The following PCDH15 variants were observed in gnomAD, a reference collection of about 807,000 sequenced individuals.
The protein encoded by PCDH15 is protocadherin-15.
A neutral mutation model predicts 178.5 loss-of-function variants in PCDH15; 129 were observed. The ratio of observed to expected loss-of-function variants is 0.72; its 90% CI spans 0.63 to 0.84. The LOEUF is 0.84. Ranked by LOEUF, PCDH15 falls within the 40% of genes least tolerant of loss-of-function variation. The probability of loss-of-function intolerance (pLI) is 0.00; values close to 1 mark genes in which losing one functional copy is unlikely to be tolerated. For synonymous variants in PCDH15, 800 were observed against 732.0 expected, an observed-to-expected ratio of 1.09 and a Z score of -1.50; for missense variants, 2,230 against 2,099.9, an observed-to-expected ratio of 1.06 and a Z score of -1.21.
rs534365353 is a variant in PCDH15 at position 54,130,530 on chromosome 10, C to G, written c.1917+2345G>C. Among the ~76,000 whole-genome samples, 8 of 152,282 alleles carry G rather than the reference C, an allele frequency of 5.3e-5. No individual in the cohort carries two copies. The East Asian group carries it at 1.5e-3, about 29-fold the overall frequency. Reference sequence around the variant, plus strand: ...CCTCAAGTGAATGCCATCAATACAGCCGTCAGGCAAAACTGCATTCATGCA... The same window carrying G: ...CCTCAAGTGAATGCCATCAATACAGGCGTCAGGCAAAACTGCATTCATGCA... On this transcript the variant is annotated intron_variant, in intron 15 of 37. Coordinates refer to ENST00000644397, the MANE Select transcript of PCDH15 (RefSeq NM_001384140.1).
chr10:55,066,506 G>T (rs1023100228), intron 2 of PCDH15, among the ~76,000 whole-genome samples: 7 of 148,248 alleles, frequency 4.7e-5, no homozygotes, highest in Admixed American at 1.3e-4. Context: ...ATTTTTTTAA[G>T]TTTTCACAAA....
intron 9 of PCDH15, among the ~76,000 whole-genome samples, chr10:54,221,581 C>T (rs947288396): frequency 1.3e-5 from 2 of 151,488 alleles, no homozygotes; most frequent in Non-Finnish European, 2.9e-5. Context: ...GGAATGGGAT[C>T]ATTTATATAG....
At chr10:54,781,764 A>G (rs1950385319) in intron 1 of PCDH15, among the ~76,000 whole-genome samples, 1 of 152,136 alleles carries the variant, frequency 6.6e-6, no homozygotes, top group African/African-American at 2.4e-5. Context: ...CATCTTTACA[A>G]TTTGCTTCCT....
intron 3 of PCDH15, among the ~76,000 whole-genome samples, chr10:54,499,912 A>G (rs2080497999): frequency 6.6e-6 from 1 of 152,146 alleles, no homozygotes; most frequent in African/African-American, 2.4e-5. Context: ...AGAACTTAGA[A>G]CTAACATTTG....
At chr10:55,467,722 T>C (rs113739906) in intron 2 of PCDH15, among the ~76,000 whole-genome samples, 8 of 151,408 alleles carry the variant, frequency 5.3e-5, no homozygotes, top group African/African-American at 1.9e-4. Flanking sequence ...TCCCAGCACA[T>C]TGGGAGGTCA....
At chr10:55,243,714 A>G (rs865780231) in intron 1 of PCDH15, among the ~76,000 whole-genome samples, 1 of 152,208 alleles carries the variant, frequency 6.6e-6, no homozygotes, top group African/African-American at 2.4e-5. Context: ...TGGCTTTAAA[A>G]GGCTCCCAGA....
intron 2 of PCDH15, chr10:54,528,408 G>T: frequency 1.3e-6 from 2 of 1,573,972 alleles, no homozygotes; most frequent in South Asian, 1.2e-5. Context: ...CCAGTCTGGA[G>T]TCAAAAGTAT....
chr10:54,509,017 G>A (rs2081407518), intron 3 of PCDH15, among the ~76,000 whole-genome samples: 1 of 152,010 alleles, frequency 6.6e-6, no homozygotes, highest in South Asian at 2.1e-4. Flanking sequence ...TTTTACATGA[G>A]GTCGTATGTT....
rs899843492 is a variant in PCDH15, at chr10:54,046,021, G to A, written c.2220+20736C>T. Among the ~76,000 whole-genome samples, 4 of 152,032 alleles carry A rather than the reference G, an allele frequency of 2.6e-5. 1 individual carries two copies. Among genetic ancestry groups the A allele is most frequent in the East Asian group, 3.9e-4 (2 of 5,178 alleles). On this transcript the variant is annotated intron_variant, in intron 18 of 37. Coordinates refer to ENST00000644397, the MANE Select transcript of PCDH15 (RefSeq NM_001384140.1). Reference sequence around the variant, plus strand: ...AGAAGAAAACACATTTACTCCAACAGATAAATAAGAAACTCAAATAGGCAT... The same window carrying A: ...AGAAGAAAACACATTTACTCCAACAAATAAATAAGAAACTCAAATAGGCAT...
At chr10:54,896,767 T>G (rs187350834) in intron 3 of PCDH15, among the ~76,000 whole-genome samples, 9 of 152,252 alleles carry the variant, frequency 5.9e-5, no homozygotes, top group Admixed American at 5.2e-4. Context: ...CACAAATAAG[T>G]GAATTGGCAT....
intron 2 of PCDH15, among the ~76,000 whole-genome samples, chr10:55,054,312 ATAATGGCTTTCAGCT>A (rs1368637446): frequency 1.3e-5 from 2 of 152,132 alleles, no homozygotes; most frequent in Non-Finnish European, 1.5e-5. Context: ...TTTGCTAAAG[ATAATGGCTTTCAGCT>A]CCATCCATGT....
At chr10:54,143,831 C>T (rs2043630616) in intron 14 of PCDH15, among the ~76,000 whole-genome samples, 1 of 152,002 alleles carries the variant, frequency 6.6e-6, no homozygotes, top group Non-Finnish European at 1.5e-5. Context: ...ATTCTTAATT[C>T]ATGTGTGTTA....
chr10:55,065,364 G>A (rs1841535999), intron 2 of PCDH15, among the ~76,000 whole-genome samples: 1 of 151,726 alleles, frequency 6.6e-6, no homozygotes, highest in Non-Finnish European at 1.5e-5. Context: ...CCCAGTTATG[G>A]TAATGTTGAC....
chr10:54,799,645 C>T (rs1469814948), intron 1 of PCDH15, among the ~76,000 whole-genome samples: 3 of 151,966 alleles, frequency 2.0e-5, no homozygotes, highest in African/African-American at 7.2e-5. Flanking sequence ...CACATAATTG[C>T]AACAGCTGAG....
At chr10:53,941,873 A>G (rs1275956532) in intron 23 of PCDH15, among the ~76,000 whole-genome samples, 1 of 152,156 alleles carries the variant, frequency 6.6e-6, no homozygotes, top group Non-Finnish European at 1.5e-5. Flanking sequence ...GTGTGGTGGT[A>G]TTTATTTTTA....
intron 1 of PCDH15, among the ~76,000 whole-genome samples, chr10:55,187,784 G>C (rs1399468514): frequency 6.6e-6 from 1 of 151,968 alleles, no homozygotes. Context: ...CTGTATGTGA[G>C]CCACAAAGCT....
At chr10:54,079,224 G>A in intron 17 of PCDH15, 107 bp downstream of exon 17, 2 of 1,078,362 alleles carry the variant, frequency 1.9e-6, no homozygotes, top group Non-Finnish European at 2.9e-6. Flanking sequence ...ATTATAAGAA[G>A]TTGCTCCAGA....
intron 2 of PCDH15, among the ~76,000 whole-genome samples, chr10:55,055,124 C>T (rs925946199): frequency 6.6e-5 from 10 of 152,132 alleles, no homozygotes; most frequent in Non-Finnish European, 1.5e-4. Context: ...TTTAAGTTGT[C>T]TTCCGCAGTT....
intron 2 of PCDH15, among the ~76,000 whole-genome samples, chr10:55,024,909 C>T (rs142345640): frequency 6.6e-6 from 1 of 152,056 alleles, no homozygotes; most frequent in Non-Finnish European, 1.5e-5. Context: ...CTCTTTAACT[C>T]GTTCTCCAGG....
Sources: gnomAD v4.1 joint callset for allele counts (sites outside exome capture counted in the v4.1 genomes callset) on GRCh38, gnomAD v4.1.1 for gene constraint, MANE v1.5 for transcripts, NCBI Gene and HGNC (gene_info 2026-07-23, HGNC 2026-07-21) for gene names.